Variants in EXOC3 observed in about 807,000 individuals in gnomAD.
EXOC3 encodes SEC6-like 1.
In EXOC3, 21 loss-of-function variants were observed where a neutral mutation model predicts 73.7. The observed-to-expected ratio is 0.29, with a 90% CI of 0.20 to 0.41. The LOEUF (loss-of-function observed/expected upper bound fraction) is 0.41, where lower values mean the gene tolerates loss of function less well. Among genes scored for constraint, EXOC3 ranks in the 10% least tolerant of loss-of-function variants. EXOC3 has a pLI of 1.00. For missense variants in EXOC3, 842 were observed against 985.1 expected (o/e 0.85, Z 1.95); for synonymous variants, 410 against 389.1 (o/e 1.05, Z -0.63).
chr5:463,776 C>T (rs756498826), intron 9 of EXOC3, among the ~76,000 whole-genome samples: 36 of 152,162 alleles, frequency 2.4e-4, no homozygotes, highest in Non-Finnish European at 4.1e-4. Context: ...TACAGATTCA[C>T]TGTTGCATTA....
At chr5:466,071 C>A (rs10036595) in intron 12 of EXOC3, 1 of 348,506 alleles carries the variant, frequency 2.9e-6, no homozygotes, top group Non-Finnish European at 5.5e-6. Context: ...GCTCGAGGGG[C>A]ACATCCCGGG....
intron 12 of EXOC3, 52 bp from the exon 13 acceptor site, chr5:466,675 G>A: frequency 6.4e-7 from 1 of 1,556,940 alleles, no homozygotes; most frequent in Non-Finnish European, 8.7e-7. Flanking sequence ...TGGCAGCGTG[G>A]TGCATCACAG....
At chr5:446,478 C>A in intron 2 of EXOC3, 129 bp downstream of exon 2, 2 of 818,652 alleles carry the variant, frequency 2.4e-6, no homozygotes, top group Non-Finnish European at 3.7e-6. Context: ...CTTTCTTGAG[C>A]AGTTACTTTC....
At chr5:458,926 C>G (rs563444878) in intron 6 of EXOC3, among the ~76,000 whole-genome samples, 19 of 152,230 alleles carry the variant, frequency 1.2e-4, no homozygotes, top group Non-Finnish European at 2.4e-4. Flanking sequence ...CCTTGCCCTT[C>G]CTCTGCCTGG....
chr5:451,224 C>T (rs950752610), intron 3 of EXOC3, among the ~76,000 whole-genome samples: 8 of 152,048 alleles, frequency 5.3e-5, no homozygotes, highest in African/African-American at 1.9e-4. Context: ...TTCTTTGTGC[C>T]TACCATAAAG....
chr5:459,565 C>T (rs1314747694), intron 7 of EXOC3, 106 bp downstream of exon 7: 18 of 570,130 alleles, frequency 3.2e-5, no homozygotes, highest in Non-Finnish European at 4.7e-5. Flanking sequence ...GAAATTAAGC[C>T]GGTAGATTCC....
intron 4 of EXOC3, among the ~76,000 whole-genome samples, chr5:454,310 G>C (rs547498664): frequency 2.6e-5 from 4 of 152,390 alleles, no homozygotes; most frequent in African/African-American, 9.6e-5. Context: ...ACAGGGTGCA[G>C]CTCTGGGCTG....
At position 447,711 on chromosome 5, in the gene EXOC3, A is replaced by T; in HGVS notation, c.323A>T (p.Gln108Leu). ...AAAGACGCCGTGGTGCAGCACAGCC[A>T]GCTCGCCGCAGCCGTGGAGAACCTC... ...DVKDAVVQHSQLAAAVENLKN... is the reference protein window; with the variant it reads ...DVKDAVVQHSLLAAAVENLKN... The change falls in exon 3 of 13, where the codon CAG becomes CTG. Residue 108 changes from glutamine (Q) to leucine (L), a missense_variant. By Grantham distance (113) the Gln-to-Leu change is moderately radical. Coordinates refer to ENST00000512944, the MANE Select transcript of EXOC3 (RefSeq NM_007277.5). 1 of 1,584,470 alleles carries T rather than the reference A, an allele frequency of 6.3e-7. No homozygotes were observed. Among genetic ancestry groups the T allele is most frequent in the Non-Finnish European group, 8.6e-7 (1 of 1,163,992 alleles).
In EXOC3 at chr5:464,298, G is replaced by C. The variant is rs752336022; in HGVS notation, c.1662G>C (p.Leu554=). The C allele has an allele frequency of 6.2e-7, 1 of 1,613,456 alleles. No homozygotes were observed. The highest frequency in any genetic ancestry group is 8.5e-7 in the Non-Finnish European group (1 of 1,179,490). ...CTGTTTCTGCTTTTCAGCAACATCT[G>C]AATGAATTGATGACGAAGAAGTGGC... ...EEVFLDLEQH[L]NELMTKKWLL... Residue 554 remains leucine (L), a synonymous_variant, in exon 10 of 13, where the codon CTG becomes CTC. Transcript: ENST00000512944.
chr5:464,616 C>T (rs1209055590), intron 10 of EXOC3: 3 of 530,198 alleles, frequency 5.7e-6, no homozygotes, highest in Non-Finnish European at 1.0e-5. Context: ...TGTGGCATGG[C>T]CCTCGAGGTG....
In EXOC3 at chr5:462,170, A is replaced by G. The variant is rs1307468655; in HGVS notation, c.1516A>G (p.Ser506Gly). ...CTTTCCTTGCAGGGAATCCATAGTCAGTTTAAAAAGAAAGTATTTAAAGAA... is the reference window on the plus strand; with the variant it reads ...CTTTCCTTGCAGGGAATCCATAGTCGGTTTAAAAAGAAAGTATTTAAAGAA... ...NCQTFKESIV[S>G]LKRKYLKNEV... The change falls in exon 9 of 13, where the codon AGT becomes GGT. Residue 506 changes from serine to glycine, a missense_variant. Physicochemically the swap from Ser to Gly is moderately conservative, Grantham distance 56. Coordinates refer to ENST00000512944, the MANE Select transcript of EXOC3 (RefSeq NM_007277.5). 1.9e-6 allele frequency: 3 copies of G among 1,613,950 alleles called. No individual in the cohort carries two copies. The highest frequency in any genetic ancestry group is 4.5e-5 in the East Asian group (2 of 44,888).
At chr5:456,765 C>T in intron 4 of EXOC3, 124 bp from the exon 5 acceptor site, 1 of 757,888 alleles carries the variant, frequency 1.3e-6, no homozygotes, top group South Asian at 1.6e-5. Context: ...TGTGGGCCGG[C>T]TGTGACCAGG....
chr5:446,718 A>G (rs1289469924), intron 2 of EXOC3, among the ~76,000 whole-genome samples: 3 of 152,140 alleles, frequency 2.0e-5, no homozygotes, highest in Non-Finnish European at 4.4e-5. Context: ...TTAGCCAGGC[A>G]TGATGGTTGA....
chr5:458,117 T>TCATCCACA, intron 6 of EXOC3, 92 bp downstream of exon 6: 2 of 1,341,092 alleles, frequency 1.5e-6, no homozygotes, highest in Non-Finnish European at 2.0e-6. Context: ...CCTGGGATCT[T>TCATCCACA]CATCCACAGA....
chr5:462,137 C>T lies in EXOC3; in HGVS notation c.1503-20C>T. 1 of 1,613,454 alleles carries T rather than the reference C, an allele frequency of 6.2e-7. No individual in the cohort carries two copies. Among genetic ancestry groups the T allele is most frequent in the Non-Finnish European group, 8.5e-7 (1 of 1,179,632 alleles). ...CGGCCTGCCCAGCCGCTGTGTTGAA[C>T]CTGAACCCTTTCCTTGCAGGGAATC... On this transcript the variant is annotated intron_variant, in intron 8 of 12. Coordinates refer to ENST00000512944, the MANE Select transcript of EXOC3 (RefSeq NM_007277.5).
intron 2 of EXOC3, chr5:447,285 T>A: frequency 2.3e-6 from 1 of 439,204 alleles, no homozygotes; most frequent in East Asian, 4.0e-5. Context: ...AGATGAGGAG[T>A]GTCCTGACCT....
intron 5 of EXOC3, 137 bp from the exon 6 acceptor site, chr5:457,763 C>A: frequency 1.0e-6 from 1 of 961,782 alleles, no homozygotes; most frequent in Admixed American, 2.6e-5. Flanking sequence ...CTCTGGAGTC[C>A]TCATTTGAGA....
chr5:457,800 G>C, intron 5 of EXOC3, 100 bp from the exon 6 acceptor site: 1 of 1,324,956 alleles, frequency 7.5e-7, no homozygotes, highest in Non-Finnish European at 1.0e-6. Context: ...CCTGTGTCTG[G>C]TTTGTGGAGC....
chr5:453,465 G>A lies in EXOC3; in HGVS notation c.460G>A (p.Gly154Arg). Residue 154 changes from glycine to arginine, a missense_variant, in exon 4 of 13, where the codon GGG becomes AGG. By Grantham distance (125) the Gly-to-Arg change is moderately radical. Transcript: ENST00000512944. ...GATGGACCTGGAGTGCTCCCGGGAC[G>A]GGCTGATGTACGAGCAGTACCGCAT... ...KLMDLECSRDGLMYEQYRMDS... is the reference protein window; with the variant it reads ...KLMDLECSRDRLMYEQYRMDS... 2.5e-6 allele frequency: 4 copies of A among 1,613,388 alleles called. No homozygotes were observed. The highest frequency in any genetic ancestry group is 1.1e-5 in the South Asian group (1 of 90,990).
Sources: gnomAD v4.1 joint callset for allele counts (sites outside exome capture counted in the v4.1 genomes callset) on GRCh38, gnomAD v4.1.1 for gene constraint, MANE v1.5 for transcripts, NCBI Gene and HGNC (gene_info 2026-07-23, HGNC 2026-07-21) for gene names.